Variants in UACA observed in about 807,000 individuals in gnomAD.
UACA encodes nuclear membrane binding protein.
In UACA, 112 loss-of-function variants were observed where a neutral mutation model predicts 160.5. That is an observed-to-expected ratio of 0.70 (90% CI 0.60 to 0.82). The LOEUF (loss-of-function observed/expected upper bound fraction) is 0.82. Ranked by LOEUF, UACA falls within the 40% of genes least tolerant of loss-of-function variation. The pLI is 0.00. For synonymous variants in UACA, 557 were observed against 568.4 expected (o/e 0.98, Z 0.29); for missense variants, 1,574 against 1,614.6 (o/e 0.97, Z 0.43).
chr15:70,665,194 A>C (rs1443931033), intron 16 of UACA, among the ~76,000 whole-genome samples: 1 of 152,226 alleles, frequency 6.6e-6, no homozygotes, highest in East Asian at 1.9e-4. Context: ...GAAAAGTAAA[A>C]GGGTGTGGCC....
chr15:70,775,284 A>T, the UACA span, among the ~76,000 whole-genome samples: 12 of 152,316 alleles, frequency 7.9e-5, no homozygotes, highest in African/African-American at 2.9e-4. Flanking sequence ...CATGGAATTC[A>T]AACTGTCAGT....
At chr15:70,766,670 T>C (rs1363697552), upstream of UACA, among the ~76,000 whole-genome samples, 2 of 152,324 alleles carry the variant, frequency 1.3e-5, no homozygotes, top group East Asian at 3.9e-4. Context: ...ACAGTTTAAC[T>C]GGACAATCGC....
the UACA span, among the ~76,000 whole-genome samples, chr15:70,769,188 C>G: frequency 6.6e-6 from 1 of 151,846 alleles, no homozygotes. Flanking sequence ...GAAACCCCAT[C>G]TCTACTAAAA....
chr15:70,737,055 G>A (rs1899391115), intron 1 of UACA, among the ~76,000 whole-genome samples: 3 of 152,088 alleles, frequency 2.0e-5, no homozygotes, highest in Admixed American at 2.0e-4. Flanking sequence ...TGAATTTCAA[G>A]GATATTGAAA....
intron 18 of UACA, among the ~76,000 whole-genome samples, chr15:70,658,485 G>A (rs554350690): frequency 2.4e-4 from 37 of 152,222 alleles, no homozygotes; most frequent in African/African-American, 8.7e-4. Flanking sequence ...TGGCTAACAC[G>A]ATAGACTATA....
At chr15:70,746,776 A>T (rs1167281981) in intron 1 of UACA, among the ~76,000 whole-genome samples, 1 of 152,216 alleles carries the variant, frequency 6.6e-6, no homozygotes, top group East Asian at 1.9e-4. Flanking sequence ...AATGTGGCAC[A>T]TATTCACCAT....
chr15:70,713,086 T>C (rs1426286420), intron 1 of UACA, among the ~76,000 whole-genome samples: 2 of 152,178 alleles, frequency 1.3e-5, no homozygotes, highest in Admixed American at 6.5e-5. Context: ...GGCTCACGCC[T>C]GTAATCCCAG....
chr15:70,719,637 G>A (rs886763500), intron 1 of UACA, among the ~76,000 whole-genome samples: 5 of 152,140 alleles, frequency 3.3e-5, no homozygotes, highest in African/African-American at 4.8e-5. Flanking sequence ...TTGGGCCCTC[G>A]ATTTTCTATA....
At chr15:70,751,471 T>C (rs1206143540) in intron 1 of UACA, among the ~76,000 whole-genome samples, 1 of 152,224 alleles carries the variant, frequency 6.6e-6, no homozygotes, top group African/African-American at 2.4e-5. Context: ...TATAAACATG[T>C]ATTGAGTTAC....
chr15:70,740,601 G>A, intron 1 of UACA, among the ~76,000 whole-genome samples: 1 of 135,084 alleles, frequency 7.4e-6, no homozygotes, highest in African/African-American at 2.8e-5. Context: ...TCCTGCCACT[G>A]CACTCCAGCC....
At position 70,667,886 on chromosome 15, in the gene UACA, C is replaced by T. The variant is rs1293917832; in HGVS notation, c.2798G>A (p.Ser933Asn). The T allele has an allele frequency of 1.2e-6, 2 of 1,613,940 alleles. No individual in the cohort carries two copies. The highest frequency in any genetic ancestry group is 4.5e-5 in the East Asian group (2 of 44,896). The change falls in exon 16 of 19, where the codon AGC (serine) becomes AAC (asparagine). Residue 933 changes from serine (S) to asparagine (N), a missense_variant. By Grantham distance (46) the Ser-to-Asn change is conservative (BLOSUM62 1). Coordinates refer to ENST00000322954, the MANE Select transcript of UACA (RefSeq NM_018003.4). ...CTTTCTCATGCTCTGACTTAGCGAG[C>T]TCATCTTTGCCTCGTGCTCTGCCAG... ...ISLAEHEAKM[S>N]SLSQSMRKVQ... is the part of the protein sequence containing the mutation.
chr15:70,777,520 GA>G, the UACA span, among the ~76,000 whole-genome samples: 1 of 152,046 alleles, frequency 6.6e-6, no homozygotes, highest in Non-Finnish European at 1.5e-5. Flanking sequence ...AAAAGAGAAG[GA>G]AAAGTGCCAT....
intron 18 of UACA, 89 bp from the exon 19 acceptor site, chr15:70,657,216 T>A: frequency 1.0e-6 from 1 of 995,030 alleles, no homozygotes; most frequent in Non-Finnish European, 1.6e-6. Context: ...AGAGCATAAC[T>A]AGTCATTGAT....
Position 70,677,138 on chromosome 15 carries a change from T to C in UACA, c.1002A>G (p.Glu334=). 2 of 1,601,374 alleles carry C rather than the reference T, an allele frequency of 1.2e-6. No homozygotes were observed. Among genetic ancestry groups the C allele is most frequent in the Non-Finnish European group, 8.5e-7 (1 of 1,173,164 alleles). The part of the protein sequence containing the change: ...VNGLQLQLNE[E]VMVADDLESE... ...TTTCCAGATCATCAGCAACCATAAC[T>C]TCCTAAATTTAAAAAGAACACAAAA... The change falls in exon 12 of 19, where the codon GAA becomes GAG. Residue 334 remains glutamate, a splice_region_variant and synonymous_variant. Coordinates refer to ENST00000322954, the MANE Select transcript of UACA (RefSeq NM_018003.4).
At chr15:70,737,892 C>A (rs1899417643) in intron 1 of UACA, among the ~76,000 whole-genome samples, 1 of 152,150 alleles carries the variant, frequency 6.6e-6, no homozygotes, top group Non-Finnish European at 1.5e-5. Flanking sequence ...AGACACCAAA[C>A]CACATTTCCA....
chr15:70,728,792 T>C (rs951884791), intron 1 of UACA, among the ~76,000 whole-genome samples: 6 of 151,600 alleles, frequency 4.0e-5, no homozygotes, highest in African/African-American at 1.2e-4. Context: ...AAACTATGTA[T>C]CCAACAAAGG....
Position 70,669,335 on chromosome 15 carries a change from C to T in UACA, c.1349G>A (p.Arg450Gln), listed in dbSNP as rs753673926. The T allele has an allele frequency of 1.1e-5, 18 of 1,613,834 alleles. No homozygotes were observed. Among genetic ancestry groups the T allele is most frequent in the Middle Eastern group, 3.3e-4 (2 of 6,082 alleles). Residue 450 changes from arginine to glutamine, a missense_variant, in exon 16 of 19, where the codon CGA becomes CAA. Arg to Gln is a conservative substitution (Grantham distance 43). Transcript: ENST00000322954. The stretch of plus-strand genomic sequence containing the variant: ...TTGTTTTGCTGACTCACAGAAAGTT[C>T]GCATTGCTTCTAACTCTTTCTTTAA... ...EILKKELEAM[R>Q]TFCESAKQDR...
At chr15:70,753,147 A>G (rs2030193102) in intron 1 of UACA, among the ~76,000 whole-genome samples, 1 of 152,220 alleles carries the variant, frequency 6.6e-6, no homozygotes, top group Admixed American at 6.5e-5. Flanking sequence ...GCTCTTACAG[A>G]TCAACATGAA....
intron 1 of UACA, among the ~76,000 whole-genome samples, chr15:70,737,266 G>A (rs1899397960): frequency 6.6e-6 from 1 of 152,206 alleles, no homozygotes; most frequent in Admixed American, 6.5e-5. Flanking sequence ...ACAGATTAAA[G>A]AGTGGGCAAC....
Sources: gnomAD v4.1 joint callset for allele counts (sites outside exome capture counted in the v4.1 genomes callset) on GRCh38, gnomAD v4.1.1 for gene constraint, MANE v1.5 for transcripts, NCBI Gene and HGNC (gene_info 2026-07-23, HGNC 2026-07-21) for gene names.